NUDT7: variants seen among roughly 807,000 people sequenced by gnomAD.
NUDT7 encodes the protein nudix hydrolase 7, also known as peroxisomal coenzyme A diphosphatase NUDT7.
A neutral mutation model predicts 13.1 loss-of-function variants in NUDT7; 19 were observed. The observed-to-expected ratio is 1.45, with a 90% confidence interval of 1.01 to 2.13. The LOEUF (loss-of-function observed/expected upper bound fraction) is 2.13. Ranked by LOEUF, NUDT7 falls within the 30% of genes most tolerant of loss-of-function variation. The pLI, the probability that NUDT7 is intolerant of heterozygous loss-of-function variation, is 0.00. For missense variants in NUDT7, 360 were observed against 291.7 expected (o/e 1.23, Z -1.71); for synonymous variants, 132 against 109.7 (o/e 1.20, Z -1.27).
chr16:77,728,309 T>C (rs2014206084), intron 2 of NUDT7, among the ~76,000 whole-genome samples: 1 of 152,190 alleles, frequency 6.6e-6, no homozygotes, highest in Non-Finnish European at 1.5e-5. Flanking sequence ...CTCAGCTCAC[T>C]GCAACCTCCG....
intron 3 of NUDT7, among the ~76,000 whole-genome samples, chr16:77,738,950 A>G (rs1398904601): frequency 6.6e-6 from 1 of 152,222 alleles, no homozygotes; most frequent in Non-Finnish European, 1.5e-5. Context: ...GTAGTTGTTA[A>G]GGCTTCTTCG....
intron 2 of NUDT7, among the ~76,000 whole-genome samples, chr16:77,731,057 T>G (rs1206718309): frequency 2.0e-5 from 3 of 152,218 alleles, no homozygotes; most frequent in African/African-American, 7.2e-5. Flanking sequence ...GAGTGTTTCC[T>G]TAGCTGTGCA....
intron 3 of NUDT7, among the ~76,000 whole-genome samples, chr16:77,740,337 G>GT (rs1452517708): frequency 3.3e-5 from 5 of 152,074 alleles, no homozygotes; most frequent in African/African-American, 1.2e-4. Flanking sequence ...GCCTCACCAT[G>GT]TGTCTACCTC....
intron 2 of NUDT7, among the ~76,000 whole-genome samples, chr16:77,730,478 C>A (rs1172900269): frequency 2.0e-5 from 3 of 152,080 alleles, no homozygotes; most frequent in African/African-American, 7.2e-5. Flanking sequence ...GAATAATATT[C>A]CTCTCTGTAT....
At chr16:77,734,866 G>T (rs1438187921) in intron 2 of NUDT7, among the ~76,000 whole-genome samples, 7 of 152,270 alleles carry the variant, frequency 4.6e-5, no homozygotes, top group Admixed American at 3.9e-4. Context: ...ATCAACTGTT[G>T]TATGGGGTTT....
At chr16:77,728,438 G>C (rs192740856) in intron 2 of NUDT7, among the ~76,000 whole-genome samples, 30 of 152,218 alleles carry the variant, frequency 2.0e-4, no homozygotes, top group African/African-American at 6.7e-4. Flanking sequence ...TCACCATGTT[G>C]GTTGGCCAGG....
chr16:77,726,317 C>T (rs1198630023), intron 2 of NUDT7, among the ~76,000 whole-genome samples: 1 of 152,122 alleles, frequency 6.6e-6, no homozygotes, highest in Non-Finnish European at 1.5e-5. Flanking sequence ...ATGTAAAGCA[C>T]CTATATAACC....
chr16:77,734,105 C>A (rs2014402261), intron 2 of NUDT7, among the ~76,000 whole-genome samples: 4 of 152,018 alleles, frequency 2.6e-5, no homozygotes, highest in African/African-American at 7.3e-5. Flanking sequence ...TTTACCAACA[C>A]ACGCAAAGAT....
chr16:77,736,952 G>A (rs1307054796), intron 3 of NUDT7, among the ~76,000 whole-genome samples: 3 of 152,098 alleles, frequency 2.0e-5, no homozygotes, highest in Non-Finnish European at 4.4e-5. Flanking sequence ...AAGTCGTGAA[G>A]GTAGTACAGA....
At position 77,741,780 on chromosome 16, in the gene NUDT7, G is replaced by T; in HGVS notation, c.547G>T (p.Gly183Cys). 6.2e-7 allele frequency: 1 copy of T among 1,614,058 alleles called. No individual in the cohort carries two copies. Among genetic ancestry groups the T allele is most frequent in the African/African-American group, 1.3e-5 (1 of 74,998 alleles). Residue 183 changes from glycine (G) to cysteine (C), a missense_variant, in exon 4 of 4, where the codon GGT becomes TGT. Physicochemically the swap from Gly to Cys is radical, Grantham distance 159 (BLOSUM62 -3). Transcript: ENST00000268533. ...HIFEYTNPED[G>C]VTYQIKGMTA... ...CTTTGAGTACACAAACCCTGAAGAC[G>T]GTGTCACTTACCAGATCAAGGGAAT...
chr16:77,735,391 C>A, intron 2 of NUDT7: 1 of 565,730 alleles, frequency 1.8e-6, no homozygotes, highest in Non-Finnish European at 3.2e-6. Context: ...TCTCCCGCTC[C>A]AGCCATGTGA....
At chr16:77,732,182 G>C (rs2014338031) in intron 2 of NUDT7, among the ~76,000 whole-genome samples, 1 of 152,044 alleles carries the variant, frequency 6.6e-6, no homozygotes. Flanking sequence ...ACAAAAATTA[G>C]CCAGGCATGC....
chr16:77,730,882 A>T (rs990934846), intron 2 of NUDT7, among the ~76,000 whole-genome samples: 1 of 151,704 alleles, frequency 6.6e-6, no homozygotes, highest in Non-Finnish European at 1.5e-5. Flanking sequence ...TTTTTTTCAT[A>T]TACCTTTTGA....
At chr16:77,727,660 G>C (rs1298351344) in intron 2 of NUDT7, among the ~76,000 whole-genome samples, 2 of 152,212 alleles carry the variant, frequency 1.3e-5, no homozygotes, top group Non-Finnish European at 2.9e-5. Flanking sequence ...TTCGAGACCA[G>C]TCTGGCCAAC....
At chr16:77,735,439 A>G (rs1241472800) in intron 2 of NUDT7, 2 of 659,058 alleles carry the variant, frequency 3.0e-6, no homozygotes, top group South Asian at 1.8e-5. Flanking sequence ...CATGATTGTA[A>G]GTTTCCTGAG....
intron 3 of NUDT7, among the ~76,000 whole-genome samples, chr16:77,739,472 C>T (rs1267213380): frequency 2.0e-5 from 3 of 152,180 alleles, no homozygotes; most frequent in African/African-American, 7.2e-5. Flanking sequence ...TATCTTTTAA[C>T]ATTCTAATGC....
chr16:77,725,504 T>G lies in NUDT7; in HGVS notation c.109T>G (p.Tyr37Asp). The G allele has an allele frequency of 6.2e-7, 1 of 1,613,936 alleles. No homozygotes were observed. The highest frequency in any genetic ancestry group is 1.3e-5 in the African/African-American group (1 of 75,050). Residue 37 changes from tyrosine (Y) to aspartate (D), a missense_variant, in exon 2 of 4, where the codon TAT becomes GAT. Physicochemically the swap from Tyr to Asp is radical, Grantham distance 160. Transcript: ENST00000268533. ...DIGGKYSHLPYNKYSVLLPLV... is the reference protein window; with the variant it reads ...DIGGKYSHLPDNKYSVLLPLV... Reference sequence around the variant, plus strand: ...TGGAGGCAAATATTCTCACTTGCCATATAACAAATACTCCGTCCTTTTGCC... The same window carrying G: ...TGGAGGCAAATATTCTCACTTGCCAGATAACAAATACTCCGTCCTTTTGCC...
chr16:77,723,004 T>G (rs1437689745), intron 1 of NUDT7, among the ~76,000 whole-genome samples: 1 of 152,100 alleles, frequency 6.6e-6, no homozygotes, highest in Admixed American at 6.5e-5. Flanking sequence ...GTCAGTTTCG[T>G]AAACTCTCTG....
At chr16:77,741,363 C>T (rs1597121158) in intron 3 of NUDT7, 2 of 507,664 alleles carry the variant, frequency 3.9e-6, no homozygotes, top group South Asian at 6.2e-5. Context: ...TATGTTCATA[C>T]AAGAAATCAT....
Sources: gnomAD v4.1 joint callset for allele counts (sites outside exome capture counted in the v4.1 genomes callset) on GRCh38, gnomAD v4.1.1 for gene constraint, MANE v1.5 for transcripts, NCBI Gene and HGNC (gene_info 2026-07-23, HGNC 2026-07-21) for gene names.